SOX5: variants seen among roughly 807,000 people sequenced by gnomAD.
SOX5 encodes transcription factor SOX-5.
SOX5 carries 9 observed loss-of-function variants against 92.0 expected under a neutral mutation model. That is an observed-to-expected ratio of 0.10 (90% CI 0.06 to 0.17). The LOEUF (loss-of-function observed/expected upper bound fraction) is 0.17. Ranked by LOEUF, SOX5 falls within the 10% of genes least tolerant of loss-of-function variation. SOX5 has a pLI of 1.00. For synonymous variants in SOX5, 344 were observed against 336.3 expected (o/e 1.02, Z -0.25); for missense variants, 642 against 944.5 (o/e 0.68, Z 4.20).
At chr12:23,733,738 A>G (rs969818324) in intron 6 of SOX5, among the ~76,000 whole-genome samples, 14 of 152,208 alleles carry the variant, frequency 9.2e-5, no homozygotes, top group Admixed American at 8.5e-4. Flanking sequence ...GTCATTTATG[A>G]TATTTACACT....
chr12:23,643,572 T>C (rs1322996405), intron 7 of SOX5, among the ~76,000 whole-genome samples: 3 of 151,202 alleles, frequency 2.0e-5, no homozygotes, highest in Non-Finnish European at 4.4e-5. Context: ...TAAAAAGAGG[T>C]CCAAAAATTT....
intron 2 of SOX5, among the ~76,000 whole-genome samples, chr12:23,872,166 T>A (rs908004149): frequency 1.0e-5 from 1 of 97,084 alleles, no homozygotes; most frequent in East Asian, 2.8e-4. Flanking sequence ...CCCGGCTAAT[T>A]TTTTTTTTTT....
At chr12:24,071,843 T>C (rs1298260810) in intron 4 of SOX5, among the ~76,000 whole-genome samples, 1 of 152,244 alleles carries the variant, frequency 6.6e-6, no homozygotes. Flanking sequence ...GGGTAGATTA[T>C]GTTTTGAAAA....
intron 6 of SOX5, among the ~76,000 whole-genome samples, chr12:23,674,368 G>A (rs568140155): frequency 1.1e-3 from 53 of 47,462 alleles, no homozygotes; most frequent in African/African-American, 4.6e-3. Flanking sequence ...ACGGAGTTTC[G>A]CTGTTGTCAC....
intron 1 of SOX5, among the ~76,000 whole-genome samples, chr12:24,522,955 A>G (rs1950386510): frequency 1.3e-5 from 2 of 152,206 alleles, no homozygotes; most frequent in South Asian, 4.1e-4. Context: ...TATCCAAATC[A>G]GAAAAAGAAG....
At chr12:24,049,049 TG>T (rs951081136) in intron 4 of SOX5, among the ~76,000 whole-genome samples, 40 of 152,084 alleles carry the variant, frequency 2.6e-4, no homozygotes, top group African/African-American at 9.7e-4. Flanking sequence ...ATAAAGTTAT[TG>T]CCAAAAAAAA....
At chr12:24,099,003 G>C (rs1945758158) in intron 4 of SOX5, among the ~76,000 whole-genome samples, 2 of 152,088 alleles carry the variant, frequency 1.3e-5, no homozygotes, top group South Asian at 4.1e-4. Context: ...TCCTATCTAA[G>C]GCTCTGAGAA....
intron 8 of SOX5, among the ~76,000 whole-genome samples, chr12:23,640,149 A>G (rs537307273): frequency 6.6e-6 from 1 of 152,232 alleles, no homozygotes; most frequent in Non-Finnish European, 1.5e-5. Flanking sequence ...AATCAAAGCT[A>G]CCTGTTACTA....
chr12:24,479,488 G>A (rs972610689), intron 1 of SOX5, among the ~76,000 whole-genome samples: 1 of 152,166 alleles, frequency 6.6e-6, no homozygotes, highest in African/African-American at 2.4e-5. Context: ...GAGCTAAAGA[G>A]AGGTTAAATA....
At chr12:24,536,394 C>A (rs1951642916) in intron 1 of SOX5, among the ~76,000 whole-genome samples, 2 of 152,264 alleles carry the variant, frequency 1.3e-5, no homozygotes, top group East Asian at 3.9e-4. Context: ...CGATTTAAGA[C>A]CCTTCCCTTC....
At chr12:23,821,480 A>G (rs1302990215) in intron 3 of SOX5, among the ~76,000 whole-genome samples, 1 of 152,192 alleles carries the variant, frequency 6.6e-6, no homozygotes, top group Non-Finnish European at 1.5e-5. Flanking sequence ...GAGTGGAGAG[A>G]GAGGGCATCC....
chr12:23,901,018 C>T (rs954541274), intron 1 of SOX5, among the ~76,000 whole-genome samples: 3 of 152,078 alleles, frequency 2.0e-5, no homozygotes, highest in Non-Finnish European at 4.4e-5. Flanking sequence ...ACCAAGATGT[C>T]CAGGTCTTAA....
chr12:23,642,618 G>A (rs1475702605), intron 7 of SOX5, among the ~76,000 whole-genome samples: 5 of 152,176 alleles, frequency 3.3e-5, no homozygotes, highest in Non-Finnish European at 7.3e-5. Flanking sequence ...ATGGGATTGG[G>A]GAGGGAGTAA....
At chr12:24,193,942 GA>G (rs1335641542) in intron 4 of SOX5, among the ~76,000 whole-genome samples, 2 of 151,710 alleles carry the variant, frequency 1.3e-5, no homozygotes, top group African/African-American at 2.4e-5. Flanking sequence ...GTCCTTGATT[GA>G]AAAAAAATTG....
At position 24,158,382 on chromosome 12, in the gene SOX5, T is replaced by C. The variant is rs1593733231; in HGVS notation, c.-2+54961A>G. 2.0e-5 allele frequency among the ~76,000 whole-genome samples: 3 copies of C among 152,108 alleles called. No individual in the cohort carries two copies. In the East Asian group the frequency reaches 5.8e-4, roughly 29 times the overall value. ...TTACAAAATAAATACGACTGAATTA[T>C]TGCTGCTCAGGAGGTCACAGGAATA... is the stretch of plus-strand genomic sequence containing the variant. On this transcript the variant is annotated intron_variant, in intron 4 of 4. Coordinates refer to the SOX5 transcript ENST00000446891.
At chr12:24,170,699 G>A (rs79522497) in intron 4 of SOX5, among the ~76,000 whole-genome samples, 3,803 of 152,264 alleles carry the variant, frequency 0.025, 64 homozygotes, top group Non-Finnish European at 0.04. Context: ...ATTATCAAGC[G>A]CATTATGAAT....
intron 4 of SOX5, among the ~76,000 whole-genome samples, chr12:24,013,379 C>T (rs1287085572): frequency 6.6e-6 from 1 of 152,140 alleles, no homozygotes; most frequent in African/African-American, 2.4e-5. Flanking sequence ...AAACCTAAGA[C>T]AGCTTAATAA....
intron 9 of SOX5, among the ~76,000 whole-genome samples, chr12:23,600,989 C>A (rs1392766111): frequency 6.6e-6 from 1 of 152,050 alleles, no homozygotes. Context: ...GAATCTTGTT[C>A]TTTTATTACA....
chr12:24,033,154 C>T (rs1955680567), intron 4 of SOX5, among the ~76,000 whole-genome samples: 1 of 151,856 alleles, frequency 6.6e-6, no homozygotes, highest in South Asian at 2.1e-4. Context: ...TTCTCCAAAG[C>T]CAGTAACTTA....
Sources: allele counts gnomAD v4.1 joint callset (sites outside exome capture counted in the v4.1 genomes callset), GRCh38; gene constraint gnomAD v4.1.1; transcripts MANE v1.5; gene names NCBI Gene and HGNC (gene_info 2026-07-23, HGNC 2026-07-21).